Variants in SRRM4 observed in about 807,000 individuals in gnomAD.
SRRM4 encodes the protein serine/arginine repetitive matrix 4, also known as serine/arginine repetitive matrix protein 4.
SRRM4 carries 33 observed loss-of-function variants against 68.9 expected under a neutral mutation model. The ratio of observed to expected loss-of-function variants is 0.48; its 90% CI spans 0.36 to 0.64. SRRM4 has a LOEUF of 0.64. Among genes scored for constraint, SRRM4 ranks in the 30% least tolerant of loss-of-function variants. SRRM4 has a pLI of 0.00. For synonymous variants in SRRM4, 318 were observed against 318.8 expected (o/e 1.00, Z 0.03); for missense variants, 817 against 827.1 (o/e 0.99, Z 0.15).
intron 2 of SRRM4, 88 bp from the exon 3 acceptor site, chr12:119,114,190 A>AC: frequency 3.6e-6 from 4 of 1,113,470 alleles, no homozygotes. Context: ...TCATCCAAGG[A>AC]CCTGGGTCCT....
At chr12:119,012,092 T>A (rs966506705) in intron 1 of SRRM4, among the ~76,000 whole-genome samples, 1 of 152,248 alleles carries the variant, frequency 6.6e-6, no homozygotes, top group Non-Finnish European at 1.5e-5. Flanking sequence ...AGTGTCCTGA[T>A]ATAAATCAAT....
At chr12:119,130,618 T>C in intron 7 of SRRM4, 60 bp from the exon 8 acceptor site, 1 of 1,537,562 alleles carries the variant, frequency 6.5e-7, no homozygotes, top group Non-Finnish European at 8.8e-7. Flanking sequence ...TGGTCCTGCA[T>C]ACATCTCCCT....
chr12:118,985,084 A>T (rs1953273625), intron 1 of SRRM4, among the ~76,000 whole-genome samples: 1 of 152,034 alleles, frequency 6.6e-6, no homozygotes, highest in Non-Finnish European at 1.5e-5. Context: ...GAAAGCAACA[A>T]CTCCTCATCA....
intron 1 of SRRM4, chr12:118,992,240 C>T (rs1429233303): frequency 6.6e-6 from 1 of 152,160 alleles, no homozygotes; most frequent in Non-Finnish European, 1.5e-5. Flanking sequence ...GTTTGCCCAA[C>T]GTCAGGGCTC....
intron 1 of SRRM4, among the ~76,000 whole-genome samples, chr12:119,064,684 G>A (rs764715601): frequency 1.4e-4 from 22 of 152,104 alleles, no homozygotes; most frequent in Non-Finnish European, 2.9e-4. Context: ...GGGGTTTGTC[G>A]GGATAAACTG....
At chr12:119,025,250 G>T (rs1191424276) in intron 1 of SRRM4, among the ~76,000 whole-genome samples, 1 of 151,920 alleles carries the variant, frequency 6.6e-6, no homozygotes, top group Non-Finnish European at 1.5e-5. Context: ...GGATCGGGCA[G>T]TGCAAACACC....
At chr12:119,097,945 G>T (rs1300876428) in intron 1 of SRRM4, among the ~76,000 whole-genome samples, 1 of 152,232 alleles carries the variant, frequency 6.6e-6, no homozygotes, top group African/African-American at 2.4e-5. Flanking sequence ...TCATGGGATT[G>T]CTTGTGGTAT....
chr12:119,093,568 A>T (rs1283211436), intron 1 of SRRM4, among the ~76,000 whole-genome samples: 1 of 152,142 alleles, frequency 6.6e-6, no homozygotes, highest in African/African-American at 2.4e-5. Flanking sequence ...CTCCCCGGAG[A>T]AATCCTAACT....
chr12:119,007,427 C>T (rs953847474), intron 1 of SRRM4, among the ~76,000 whole-genome samples: 10 of 152,172 alleles, frequency 6.6e-5, no homozygotes, highest in Non-Finnish European at 1.5e-5. Context: ...ATCTCTCCCC[C>T]TCTCTTTCCC....
intron 1 of SRRM4, among the ~76,000 whole-genome samples, chr12:119,058,392 G>A (rs996017269): frequency 2.0e-5 from 3 of 152,178 alleles, no homozygotes; most frequent in African/African-American, 7.2e-5. Context: ...TTATAACAAT[G>A]AGATAGATAT....
At chr12:119,130,054 T>G (rs1209993652) in intron 7 of SRRM4, among the ~76,000 whole-genome samples, 2 of 151,000 alleles carry the variant, frequency 1.3e-5, no homozygotes, top group Non-Finnish European at 2.9e-5. Flanking sequence ...GTTAGTTGGA[T>G]GGATAAACGG....
intron 1 of SRRM4, among the ~76,000 whole-genome samples, chr12:119,085,427 T>C (rs1027431581): frequency 3.3e-5 from 5 of 152,226 alleles, no homozygotes; most frequent in Admixed American, 1.3e-4. Flanking sequence ...CTCCAGGCCA[T>C]GCCCTTGAGT....
At chr12:119,041,970 C>G (rs1953672091) in intron 1 of SRRM4, among the ~76,000 whole-genome samples, 1 of 152,144 alleles carries the variant, frequency 6.6e-6, no homozygotes, top group East Asian at 1.9e-4. Context: ...CTTTCCAGGA[C>G]CCTGTATCTC....
chr12:119,091,466 G>A (rs989177574), intron 1 of SRRM4, among the ~76,000 whole-genome samples: 1 of 152,136 alleles, frequency 6.6e-6, no homozygotes, highest in Non-Finnish European at 1.5e-5. Flanking sequence ...AGGAAAGGTA[G>A]TCAGAGTCAC....
intron 5 of SRRM4, among the ~76,000 whole-genome samples, chr12:119,121,741 G>C (rs1265250356): frequency 6.6e-6 from 1 of 152,222 alleles, no homozygotes; most frequent in Non-Finnish European, 1.5e-5. Context: ...GTTGACGAAA[G>C]TATTCAACAG....
intron 1 of SRRM4, among the ~76,000 whole-genome samples, chr12:119,044,825 G>A (rs560783127): frequency 2.0e-5 from 3 of 152,238 alleles, no homozygotes; most frequent in Admixed American, 2.0e-4. Context: ...GAGTTGTAGG[G>A]GGTTTCTCCT....
At chr12:119,050,364 G>T (rs1215032202) in intron 1 of SRRM4, among the ~76,000 whole-genome samples, 1 of 152,228 alleles carries the variant, frequency 6.6e-6, no homozygotes, top group Non-Finnish European at 1.5e-5. Context: ...TTCTAGTGAT[G>T]ATAATGATGA....
At chr12:119,152,461 G>C (rs186722232) in intron 10 of SRRM4, among the ~76,000 whole-genome samples, 11 of 152,246 alleles carry the variant, frequency 7.2e-5, no homozygotes, top group African/African-American at 2.6e-4. Context: ...CTCCCTGACA[G>C]ACAAAGCAAA....
chr12:119,108,228 C>T (rs530614601), intron 2 of SRRM4, among the ~76,000 whole-genome samples: 5 of 152,310 alleles, frequency 3.3e-5, no homozygotes, highest in African/African-American at 1.2e-4. Context: ...GAGTGCTTTA[C>T]TTCCAACTAT....
Sources: allele counts gnomAD v4.1 joint callset (sites outside exome capture counted in the v4.1 genomes callset), GRCh38; gene constraint gnomAD v4.1.1; transcripts MANE v1.5; gene names NCBI Gene and HGNC (gene_info 2026-07-23, HGNC 2026-07-21).